The following SH3BP5 variants were observed in gnomAD, a reference collection of about 807,000 sequenced individuals.
The protein encoded by SH3BP5 is SH3 domain binding protein 5.
Under a neutral mutation model 43.3 loss-of-function variants are expected in SH3BP5, and 22 were observed. That is an observed-to-expected ratio of 0.51 (90% CI 0.36 to 0.73). The LOEUF (loss-of-function observed/expected upper bound fraction) is 0.73, where lower values mean the gene tolerates loss of function less well. SH3BP5 is among the 30% of genes least tolerant of loss of function. The pLI, the probability that SH3BP5 is intolerant of heterozygous loss-of-function variation, is 0.00. For synonymous variants in SH3BP5, 255 were observed against 225.8 expected (o/e 1.13, Z -1.16); for missense variants, 529 against 586.9 (o/e 0.90, Z 1.02).
At chr3:15,323,216 C>T (rs1698380496) in intron 2 of SH3BP5, among the ~76,000 whole-genome samples, 1 of 152,210 alleles carries the variant, frequency 6.6e-6, no homozygotes, top group South Asian at 2.1e-4. Context: ...AGGCAGGCCA[C>T]AGCGCAACGC....
At chr3:15,330,099 A>C (rs1698571971) in intron 2 of SH3BP5, among the ~76,000 whole-genome samples, 1 of 152,256 alleles carries the variant, frequency 6.6e-6, no homozygotes, top group Non-Finnish European at 1.5e-5. Flanking sequence ...AAGTCAGAGG[A>C]AACAACACAA....
chr3:15,262,945 A>G (rs1409543144), intron 4 of SH3BP5, among the ~76,000 whole-genome samples: 1 of 152,196 alleles, frequency 6.6e-6, no homozygotes, highest in Non-Finnish European at 1.5e-5. Flanking sequence ...GCAGCACAGC[A>G]AGACTCCATC....
At position 15,256,125 on chromosome 3, in the gene SH3BP5, A is replaced by G. The variant is rs150979861; in HGVS notation, c.1329T>C (p.Asp443=). 5.0e-6 allele frequency: 8 copies of G among 1,614,076 alleles called. No homozygotes were observed. The Admixed American group carries it at 1.3e-4, about 27-fold the overall frequency. ...CCATTTTTATGTCAGCAATAATTCC[A>G]TCTCTTCCCTTTGAGCACTGTAGGG... is the stretch of plus-strand genomic sequence containing the variant. ...QLSLQCSKGR[D]GIIADIKMVQ... Residue 443 remains aspartate (D), a synonymous_variant, in exon 9 of 9, where the codon GAT becomes GAC. Coordinates refer to ENST00000383791, the MANE Select transcript of SH3BP5 (RefSeq NM_004844.5).
At chr3:15,321,898 G>A (rs1295209164) in intron 2 of SH3BP5, among the ~76,000 whole-genome samples, 1 of 151,872 alleles carries the variant, frequency 6.6e-6, no homozygotes, top group Non-Finnish European at 1.5e-5. Context: ...ACATTCTTTG[G>A]CCCACACAAG....
chr3:15,292,909 C>T (rs565212229), intron 3 of SH3BP5, among the ~76,000 whole-genome samples: 5 of 152,278 alleles, frequency 3.3e-5, no homozygotes, highest in South Asian at 4.1e-4. Context: ...CAGCCCCAGA[C>T]GCCCGAGGCA....
intron 5 of SH3BP5, among the ~76,000 whole-genome samples, chr3:15,261,587 C>CT (rs1304891253): frequency 1.3e-5 from 2 of 151,904 alleles, no homozygotes; most frequent in Non-Finnish European, 2.9e-5. Flanking sequence ...GGAGGCCTAG[C>CT]AATTGGGAAT....
intron 3 of SH3BP5, among the ~76,000 whole-genome samples, chr3:15,274,271 G>C (rs1247904861): frequency 6.6e-6 from 1 of 151,776 alleles, no homozygotes. Context: ...AAGAAAGAAA[G>C]AAAGAAATAC....
chr3:15,336,884 T>G (rs1368088821), upstream of SH3BP5, among the ~76,000 whole-genome samples: 2 of 152,086 alleles, frequency 1.3e-5, no homozygotes, highest in Non-Finnish European at 2.9e-5. Context: ...TTGTCCATCA[T>G]TAAAATCACC....
chr3:15,331,892 A>T (rs1698619111), intron 1 of SH3BP5: 1 of 187,130 alleles, frequency 5.3e-6, no homozygotes, highest in Non-Finnish European at 1.1e-5. Flanking sequence ...ACCTCCTCGC[A>T]GAGCCTGGAC....
intron 3 of SH3BP5, among the ~76,000 whole-genome samples, chr3:15,293,830 C>A (rs1365802213): frequency 1.3e-5 from 2 of 152,092 alleles, no homozygotes; most frequent in East Asian, 3.9e-4. Context: ...GTAATCCCAG[C>A]ACTTTGGGAG....
At chr3:15,339,493 C>G (rs1317586512) in intron 1 of SH3BP5, among the ~76,000 whole-genome samples, 3 of 152,072 alleles carry the variant, frequency 2.0e-5, no homozygotes, top group African/African-American at 7.2e-5. Context: ...AGGTGGATCA[C>G]CTGAGGTCAG....
intron 2 of SH3BP5, among the ~76,000 whole-genome samples, chr3:15,316,473 T>G (rs1358588218): frequency 6.6e-6 from 1 of 152,080 alleles, no homozygotes; most frequent in East Asian, 1.9e-4. Context: ...TCCGCTGGCC[T>G]CGGCCTCCCA....
At chr3:15,275,854 C>A (rs1025481416) in intron 3 of SH3BP5, 2 of 151,984 alleles carry the variant, frequency 1.3e-5, no homozygotes, top group East Asian at 3.9e-4. Flanking sequence ...AACCCCGCCT[C>A]TACCTAAATA....
intron 2 of SH3BP5, 82 bp downstream of exon 2, chr3:15,330,422 A>G: frequency 8.6e-7 from 1 of 1,157,654 alleles, no homozygotes; most frequent in Non-Finnish European, 1.3e-6. Context: ...ATAACACTCC[A>G]GCTATGAAGA....
chr3:15,261,301 TAA>T (rs1696428249), intron 5 of SH3BP5, among the ~76,000 whole-genome samples: 1 of 152,136 alleles, frequency 6.6e-6, no homozygotes, highest in South Asian at 2.1e-4. Context: ...GAGCAGAAAC[TAA>T]AGAAAAGTCA....
intron 2 of SH3BP5, among the ~76,000 whole-genome samples, chr3:15,320,507 G>A (rs1056477633): frequency 2.0e-5 from 3 of 151,586 alleles, no homozygotes; most frequent in African/African-American, 7.3e-5. Flanking sequence ...TGTGGCAATC[G>A]GCAGACTAAG....
intron 3 of SH3BP5, among the ~76,000 whole-genome samples, chr3:15,287,462 G>C (rs1697296973): frequency 6.6e-6 from 1 of 152,214 alleles, no homozygotes; most frequent in Non-Finnish European, 1.5e-5. Flanking sequence ...AAGGGTAAAA[G>C]CTAAGCAGTG....
intron 8 of SH3BP5, 79 bp from the exon 9 acceptor site, chr3:15,256,382 A>G: frequency 2.8e-6 from 4 of 1,442,054 alleles, no homozygotes; most frequent in South Asian, 1.3e-5. Flanking sequence ...AGATTATCAA[A>G]AGTGAGTATT....
intron 3 of SH3BP5, among the ~76,000 whole-genome samples, chr3:15,299,303 C>T (rs1697663408): frequency 6.6e-6 from 1 of 152,142 alleles, no homozygotes; most frequent in African/African-American, 2.4e-5. Context: ...GCCCTGCCCC[C>T]AACCTGGCAC....
Sources: allele counts gnomAD v4.1 joint callset (sites outside exome capture counted in the v4.1 genomes callset), GRCh38; gene constraint gnomAD v4.1.1; transcripts MANE v1.5; gene names NCBI Gene and HGNC (gene_info 2026-07-23, HGNC 2026-07-21).